The following ROBO1 variants were observed in gnomAD, a reference collection of about 807,000 sequenced individuals.
ROBO1 encodes the protein roundabout homolog 1.
Under a neutral mutation model 195.9 loss-of-function variants are expected in ROBO1, and 149 were observed. The observed-to-expected ratio is 0.76, with a 90% CI of 0.67 to 0.87. ROBO1 has a LOEUF of 0.87. Among genes scored for constraint, ROBO1 ranks in the 40% least tolerant of loss-of-function variants. The probability of loss-of-function intolerance (pLI) is 0.00; values close to 1 mark genes in which losing one functional copy is unlikely to be tolerated. For missense variants in ROBO1, 1,933 were observed against 2,068.3 expected (o/e 0.93, Z 1.27); for synonymous variants, 816 against 733.2 (o/e 1.11, Z -1.82).
rs536393209 is a variant in ROBO1, at chr3:79,714,800, G to A, written c.-51+52952C>T. On this transcript the variant is annotated intron_variant, in intron 1 of 30. Coordinates refer to ENST00000464233, the MANE Select transcript of ROBO1 (RefSeq NM_002941.4). ...ACTCATAGGTGGGAATTGAACAATG[G>A]GAACACATGGGCACAGAAAGGGGAA... Among the ~76,000 whole-genome samples, 23 of 146,700 alleles carry A rather than the reference G, an allele frequency of 1.6e-4. No individual in the cohort carries two copies. The South Asian group carries it at 4.1e-3, about 26-fold the overall frequency.
chr3:79,436,570 G>A lies in ROBO1; in HGVS notation c.88+153254C>T, dbSNP rs1007917594. On this transcript the variant is annotated intron_variant, in intron 2 of 30. Coordinates refer to ENST00000464233, the MANE Select transcript of ROBO1 (RefSeq NM_002941.4). ...TTTGCTTTGATCTGTAGGTTGTCAT[G>A]TAAACTAAGCAGCATATTTCTTTCT... is the stretch of plus-strand genomic sequence containing the variant. Among the ~76,000 whole-genome samples, 4 of 152,092 alleles carry A rather than the reference G, an allele frequency of 2.6e-5. No homozygotes were observed. The South Asian group carries it at 8.3e-4, about 32-fold the overall frequency.
intron 4 of ROBO1, among the ~76,000 whole-genome samples, chr3:78,787,926 CTTTTTTTTTTTTTTTTTTTTT>C (rs71127358): frequency 2.8e-5 from 2 of 71,672 alleles, no homozygotes; most frequent in African/African-American, 1.2e-4. Flanking sequence ...GACCCCTTCT[CTTTTTTTTTTTTTTTTTTTTT>C]TTTTTTTTTT....
At chr3:79,421,807 ATGT>A (rs1475631651) in intron 2 of ROBO1, among the ~76,000 whole-genome samples, 6 of 152,142 alleles carry the variant, frequency 3.9e-5, no homozygotes, top group South Asian at 4.1e-4. Flanking sequence ...TTAGTGACTA[ATGT>A]TGTTGTTGTT....
At chr3:79,508,589 C>A (rs1203817319) in intron 2 of ROBO1, among the ~76,000 whole-genome samples, 1 of 152,104 alleles carries the variant, frequency 6.6e-6, no homozygotes, top group Non-Finnish European at 1.5e-5. Flanking sequence ...CAATTTCCAC[C>A]AAAAACCTTA....
chr3:78,624,572 T>C (rs915629887), intron 26 of ROBO1, among the ~76,000 whole-genome samples: 2 of 152,118 alleles, frequency 1.3e-5, no homozygotes, highest in African/African-American at 2.4e-5. Flanking sequence ...CCTGAAACAA[T>C]AGACAGTAGG....
At chr3:78,884,644 A>AAGG (rs2036408746) in intron 4 of ROBO1, among the ~76,000 whole-genome samples, 2 of 81,048 alleles carry the variant, frequency 2.5e-5, no homozygotes, top group African/African-American at 5.1e-5. Context: ...AGAAAGAAAG[A>AAGG]AAGAAAGGAA....
intron 2 of ROBO1, among the ~76,000 whole-genome samples, chr3:79,541,845 GGAGA>G (rs1166792320): frequency 2.0e-5 from 3 of 147,702 alleles, no homozygotes; most frequent in Admixed American, 6.8e-5. Context: ...ATATATATAT[GGAGA>G]GAGAGAGAGA....
chr3:79,339,559 T>C (rs927837601), intron 2 of ROBO1, among the ~76,000 whole-genome samples: 18 of 152,316 alleles, frequency 1.2e-4, no homozygotes, highest in Non-Finnish European at 2.1e-4. Flanking sequence ...CTAGTTAGCC[T>C]GTGTTGAATT....
intron 2 of ROBO1, among the ~76,000 whole-genome samples, chr3:79,584,616 T>TGTGTGTGTGTAC (rs1426709525): frequency 1.2e-3 from 158 of 131,430 alleles, no homozygotes; most frequent in African/African-American, 5.3e-3. Flanking sequence ...GGTGAGTGTG[T>TGTGTGTGTGTAC]GTGTGTGTGT....
intron 3 of ROBO1, among the ~76,000 whole-genome samples, chr3:78,996,695 T>C (rs1264221033): frequency 2.0e-5 from 3 of 151,782 alleles, no homozygotes; most frequent in Non-Finnish European, 2.9e-5. Context: ...AACACACACA[T>C]GCACACATAC....
At chr3:79,463,928 C>T (rs978532675) in intron 2 of ROBO1, among the ~76,000 whole-genome samples, 1 of 152,136 alleles carries the variant, frequency 6.6e-6, no homozygotes, top group Non-Finnish European at 1.5e-5. Context: ...ACACTCATTG[C>T]TCATTCACAT....
Position 78,636,022 on chromosome 3 carries a change from C to G in ROBO1, c.3124G>C (p.Asp1042His), listed in dbSNP as rs1362349763. ...ATCTCATTGATTTTGTTACTAAGGT[C>G]CACATCACCATAAACAGTTGACTCA... Reference protein sequence around the residue: ...LPESTVYGDVDLSNKINEMKT... With the variant: ...LPESTVYGDVHLSNKINEMKT... The change falls in exon 23 of 31, where the codon GAC (aspartate) becomes CAC (histidine). Residue 1042 changes from aspartate (D) to histidine (H), a missense_variant. This residue lies in a region of ROBO1 where 1,737 missense variants were observed against 1,882.5 expected (regional missense o/e 0.92). Transcript: ENST00000464233. 6.2e-7 allele frequency: 1 copy of G among 1,613,690 alleles called. No homozygotes were observed. Among genetic ancestry groups the G allele is most frequent in the East Asian group, 2.2e-5 (1 of 44,870 alleles).
At chr3:78,987,162 G>A (rs1227853262) in intron 3 of ROBO1, among the ~76,000 whole-genome samples, 18 of 147,824 alleles carry the variant, frequency 1.2e-4, no homozygotes, top group Non-Finnish European at 2.7e-4. Flanking sequence ...AACACAGGGT[G>A]AGGTGATGGA....
At chr3:78,647,758 T>C (rs1014839861) in intron 19 of ROBO1, 103 bp from the exon 20 acceptor site, 2 of 967,732 alleles carry the variant, frequency 2.1e-6, no homozygotes, top group Admixed American at 1.8e-5. Flanking sequence ...ATAAAACAAA[T>C]GTAAATAACT....
intron 2 of ROBO1, among the ~76,000 whole-genome samples, chr3:79,258,151 C>G (rs1289096257): frequency 6.6e-6 from 1 of 152,244 alleles, no homozygotes; most frequent in Non-Finnish European, 1.5e-5. Context: ...TCCCCTTTCT[C>G]CACATGTCTA....
chr3:79,673,834 A>C (rs1319231033), intron 1 of ROBO1, among the ~76,000 whole-genome samples: 3 of 151,784 alleles, frequency 2.0e-5, no homozygotes, highest in Admixed American at 1.3e-4. Flanking sequence ...ACCCTCTTCC[A>C]CTCGCTGCAG....
At chr3:78,769,788 C>T (rs1369312191) in intron 4 of ROBO1, among the ~76,000 whole-genome samples, 2 of 152,126 alleles carry the variant, frequency 1.3e-5, no homozygotes, top group African/African-American at 4.8e-5. Context: ...CGAATTCTCT[C>T]AGCCTTTGTT....
intron 2 of ROBO1, among the ~76,000 whole-genome samples, chr3:79,208,720 T>TGTGC (rs1491298852): frequency 4.6e-4 from 64 of 140,090 alleles, no homozygotes; most frequent in African/African-American, 1.5e-3. Flanking sequence ...TGTGTGTGTG[T>TGTGC]GCGCCTGCAT....
At chr3:79,189,713 AATG>A (rs1169808209) in intron 2 of ROBO1, among the ~76,000 whole-genome samples, 4 of 151,810 alleles carry the variant, frequency 2.6e-5, no homozygotes, top group African/African-American at 9.7e-5. Flanking sequence ...GCTTCAGGAG[AATG>A]ATAAGAAAAG....
Sources: allele counts gnomAD v4.1 joint callset (sites outside exome capture counted in the v4.1 genomes callset), GRCh38; gene constraint gnomAD v4.1.1; regional missense constraint gnomAD v4.1.1; transcripts MANE v1.5; gene names NCBI Gene and HGNC (gene_info 2026-07-23, HGNC 2026-07-21).